CEP126: variants seen among roughly 807,000 people sequenced by gnomAD.
CEP126 encodes centrosomal protein 126.
Under a neutral mutation model 107.8 loss-of-function variants are expected in CEP126, and 74 were observed. The ratio of observed to expected loss-of-function variants is 0.69; its 90% confidence interval spans 0.57 to 0.83. The LOEUF (loss-of-function observed/expected upper bound fraction) is 0.83, where lower values mean the gene tolerates loss of function less well. Ranked by LOEUF, CEP126 falls within the 40% of genes least tolerant of loss-of-function variation. The pLI, the probability that CEP126 is intolerant of heterozygous loss-of-function variation, is 0.00. For synonymous variants in CEP126, 449 were observed against 446.0 expected (o/e 1.01, Z -0.08); for missense variants, 1,237 against 1,281.9 (o/e 0.96, Z 0.53).
chr11:101,948,458 G>T (rs1398942543), intron 4 of CEP126, among the ~76,000 whole-genome samples: 9 of 152,092 alleles, frequency 5.9e-5, no homozygotes, highest in Non-Finnish European at 2.9e-5. Flanking sequence ...TCTTTACTGA[G>T]AAGAGAAAAT....
At position 101,992,862 on chromosome 11, in the gene CEP126, C is replaced by CT. The variant is rs1298637215; in HGVS notation, c.3309+27dup. ...CTTCTGGTAAGTATTTGAAGAAGCT[C>CT]TTTTTTTCTTGTTTTAGGAAACTTC... On this transcript the variant is annotated intron_variant, in intron 10 of 10. Coordinates refer to ENST00000263468, the MANE Select transcript of CEP126 (RefSeq NM_020802.4). 6.6e-7 allele frequency: 1 copy of CT among 1,504,704 alleles called. No homozygotes were observed. 93.2% of individuals were successfully genotyped at this position (1,504,704 alleles called of 1,614,324 possible).
chr11:101,961,728 T>C lies in CEP126; in HGVS notation c.706-13T>C. The C allele has an allele frequency of 7.4e-7, 1 of 1,360,390 alleles. No homozygotes were observed. The highest frequency in any genetic ancestry group is 1.0e-6 in the Non-Finnish European group (1 of 996,114). 84.3% of individuals were successfully genotyped at this position (1,360,390 alleles called of 1,614,324 possible). On this transcript the variant is annotated splice_polypyrimidine_tract_variant and intron_variant, in intron 5 of 10. Transcript: ENST00000263468. The stretch of plus-strand genomic sequence containing the variant: ...GTTTATAAGCTATAAAACAATGTTC[T>C]TTTTTTTTCCAGAAATTTTGTGATG...
At chr11:101,922,031 C>T (rs868633704) in intron 1 of CEP126, among the ~76,000 whole-genome samples, 7 of 151,812 alleles carry the variant, frequency 4.6e-5, no homozygotes, top group South Asian at 4.2e-4. Flanking sequence ...GTGATCCACC[C>T]GCCTCAGCCT....
rs569757899 is a variant in CEP126, at chr11:101,976,305, T to C, written c.2846-2042T>C. ...TGTGAAATGGTATCTCATTGTGGTT[T>C]TGATTTGCACTTGTCTAATGATTAG... On this transcript the variant is annotated intron_variant, in intron 6 of 10. Coordinates refer to ENST00000263468, the MANE Select transcript of CEP126 (RefSeq NM_020802.4). 2.6e-5 allele frequency among the ~76,000 whole-genome samples: 4 copies of C among 152,368 alleles called. No individual in the cohort carries two copies. The East Asian group carries it at 7.7e-4, about 29-fold the overall frequency.
intron 6 of CEP126, among the ~76,000 whole-genome samples, chr11:101,966,769 C>A (rs969244268): frequency 6.6e-6 from 1 of 152,050 alleles, no homozygotes; most frequent in African/African-American, 2.4e-5. Flanking sequence ...TCCTCTACTT[C>A]TTTTCTTTAT....
rs377295370 is a variant in CEP126 at position 101,992,926 on chromosome 11, A to G, written c.3309+84A>G. ...ACATCAATACAGGTAAGAACCCCGTATTAATATTAATATTTCTTGGGATTG... is the reference window on the plus strand; with the variant it reads ...ACATCAATACAGGTAAGAACCCCGTGTTAATATTAATATTTCTTGGGATTG... On this transcript the variant is annotated intron_variant, in intron 10 of 10. Coordinates refer to ENST00000263468, the MANE Select transcript of CEP126 (RefSeq NM_020802.4). 23 of 1,211,412 alleles carry G rather than the reference A, an allele frequency of 1.9e-5. No homozygotes were observed. The East Asian group carries it at 6.4e-4, about 34-fold the overall frequency. The allele number at this position is 1,211,412 out of a possible 1,614,324, so 75.0% of individuals were successfully genotyped here.
intron 10 of CEP126, 125 bp from the exon 11 acceptor site, chr11:101,997,474 C>T (rs1941455712): frequency 6.8e-7 from 1 of 1,467,306 alleles, no homozygotes; most frequent in Admixed American, 2.0e-5. Context: ...CAATCTTAAA[C>T]TCATTACCTG....
chr11:101,997,470 T>TA, intron 10 of CEP126, 129 bp from the exon 11 acceptor site: 1 of 1,447,096 alleles, frequency 6.9e-7, no homozygotes, highest in Non-Finnish European at 9.3e-7. Flanking sequence ...TCTGCAATCT[T>TA]AAACTCATTA....
At chr11:101,926,056 A>T (rs1265691052) in intron 2 of CEP126, among the ~76,000 whole-genome samples, 1 of 152,124 alleles carries the variant, frequency 6.6e-6, no homozygotes, top group Admixed American at 6.5e-5. Context: ...ACTAATATTT[A>T]CTAGGAAACC....
chr11:101,939,180 A>C (rs958930330), intron 2 of CEP126, among the ~76,000 whole-genome samples: 1 of 152,178 alleles, frequency 6.6e-6, no homozygotes, highest in African/African-American at 2.4e-5. Context: ...GGATGTTAGA[A>C]TATGCACCTA....
At chr11:101,961,191 A>G (rs2137110894) in intron 5 of CEP126, among the ~76,000 whole-genome samples, 1 of 152,180 alleles carries the variant, frequency 6.6e-6, no homozygotes, top group African/African-American at 2.4e-5. Flanking sequence ...GGACCCAGGT[A>G]TAGATATTTT....
At chr11:101,934,922 A>G (rs1940553509) in intron 2 of CEP126, among the ~76,000 whole-genome samples, 1 of 152,090 alleles carries the variant, frequency 6.6e-6, no homozygotes, top group Admixed American at 6.6e-5. Flanking sequence ...AACTAAAAGT[A>G]GAATTGGTAA....
At chr11:101,943,143 A>G (rs935872894) in intron 2 of CEP126, among the ~76,000 whole-genome samples, 1 of 151,826 alleles carries the variant, frequency 6.6e-6, no homozygotes, top group Non-Finnish European at 1.5e-5. Context: ...TGTTGAATCA[A>G]ATGGTAAAAG....
chr11:101,928,619 A>G (rs542410570), intron 2 of CEP126, among the ~76,000 whole-genome samples: 1 of 152,310 alleles, frequency 6.6e-6, no homozygotes, highest in South Asian at 2.1e-4. Context: ...CCAGATGTCC[A>G]GTTGGTCCAG....
chr11:101,950,994 G>A (rs964702734), intron 4 of CEP126, among the ~76,000 whole-genome samples: 1 of 152,072 alleles, frequency 6.6e-6, no homozygotes. Context: ...AGACCAGAGA[G>A]GAAATTATTG....
chr11:101,949,959 C>T (rs1048526946), intron 4 of CEP126, among the ~76,000 whole-genome samples: 1 of 152,152 alleles, frequency 6.6e-6, no homozygotes, highest in African/African-American at 2.4e-5. Context: ...GAATAATTAT[C>T]AAAAACCTCT....
Position 101,999,013 on chromosome 11 carries a change from A to G in CEP126, c.*1370A>G, listed in dbSNP as rs1313764881. 6.6e-6 allele frequency: 1 copy of G among 152,226 alleles called. No individual in the cohort carries two copies. Among genetic ancestry groups the G allele is most frequent in the Non-Finnish European group, 1.5e-5 (1 of 68,048 alleles). 9.4% of individuals were successfully genotyped at this position (152,226 alleles called of 1,614,324 possible). ...AAGAATTCACTTTTTAAATGAAGAA[A>G]TTAGTGAAAAAATTGACCTAATGAA... On this transcript the variant is annotated 3_prime_UTR_variant, in exon 11 of 11. Transcript: ENST00000263468.
rs1941484586 is a variant in CEP126, at chr11:101,999,657, G to A, written c.*2014G>A. On this transcript the variant is annotated 3_prime_UTR_variant, in exon 11 of 11. Coordinates refer to ENST00000263468, the MANE Select transcript of CEP126 (RefSeq NM_020802.4). Reference sequence around the variant, plus strand: ...CCTCCAGAATTTTAGTAGATACAGGGTGGGTTCATTAAGAGTGATAAAAGT... The same window carrying A: ...CCTCCAGAATTTTAGTAGATACAGGATGGGTTCATTAAGAGTGATAAAAGT... The A allele has an allele frequency of 6.6e-6, 1 of 152,170 alleles. No individual in the cohort carries two copies. The highest frequency in any genetic ancestry group is 2.4e-5 in the African/African-American group (1 of 41,430). 9.4% of individuals were successfully genotyped at this position (152,170 alleles called of 1,614,324 possible).
chr11:101,991,769 C>T (rs1466745448), intron 9 of CEP126, among the ~76,000 whole-genome samples: 1 of 152,188 alleles, frequency 6.6e-6, no homozygotes, highest in East Asian at 1.9e-4. Context: ...ACTACAGCTA[C>T]ACACATCATC....
Sources: gnomAD v4.1 joint callset for allele counts (sites outside exome capture counted in the v4.1 genomes callset) on GRCh38, gnomAD v4.1.1 for gene constraint, MANE v1.5 for transcripts, NCBI Gene and HGNC (gene_info 2026-07-23, HGNC 2026-07-21) for gene names.